CENPE: variants seen among roughly 807,000 people sequenced by gnomAD.
CENPE encodes the protein centromere-associated protein E.
A neutral mutation model predicts 336.1 loss-of-function variants in CENPE; 145 were observed. That is an observed-to-expected ratio of 0.43 (90% confidence interval 0.38 to 0.50). CENPE has a LOEUF of 0.50. CENPE is among the 20% of genes least tolerant of loss of function. The probability of loss-of-function intolerance (pLI) is 0.00; values close to 1 mark genes in which losing one functional copy is unlikely to be tolerated. For synonymous variants in CENPE, 1,013 were observed against 984.8 expected, an observed-to-expected ratio of 1.03 and a Z score of -0.54; for missense variants, 2,719 against 3,023.3, an observed-to-expected ratio of 0.90 and a Z score of 2.36.
In CENPE at chr4:103,145,845, T is replaced by C; in HGVS notation, c.4397A>G (p.Lys1466Arg). 1 of 1,595,112 alleles carries C rather than the reference T, an allele frequency of 6.3e-7. No individual in the cohort carries two copies. Among genetic ancestry groups the C allele is most frequent in the South Asian group, 1.2e-5 (1 of 86,006 alleles). ...SESDQLKENIKEIVAKHLETE... is the reference protein window; with the variant it reads ...SESDQLKENIREIVAKHLETE... ...GAAACCTACTTTAGCTACAATTTCT[T>C]TTATGTTTTCTTTGAGCTGGTCACT... Residue 1466 changes from lysine (K) to arginine (R), a missense_variant, in exon 30 of 49, where the codon AAA becomes AGA. By Grantham distance (26) the Lys-to-Arg change is conservative (BLOSUM62 2). Transcript: ENST00000265148.
rs1354235338 is a variant in CENPE, at chr4:103,113,130, ATATATACTTATAAGTATATAAGTG to A, written c.7540+1301_7540+1324del. ...TATATATACTTATAAGTATATGTGT[ATATATACTTATAAGTATATAAGTG>A]TATATATACTTATAAGTATATAAGT... On this transcript the variant is annotated intron_variant, in intron 46 of 48. Coordinates refer to ENST00000265148, the MANE Select transcript of CENPE (RefSeq NM_001813.3). 5.2e-3 allele frequency among the ~76,000 whole-genome samples: 354 copies of A among 68,286 alleles called. 2 individuals are homozygous for A. Among genetic ancestry groups the A allele is most frequent in the Middle Eastern group, 0.028 (1 of 36 alleles). 44.8% of individuals were successfully genotyped at this position (68,286 alleles called of 152,430 possible). A position where few individuals can be genotyped will look rare whatever the true frequency, so the allele number is the denominator to read the frequency against.
rs1338675087 is a variant in CENPE, at chr4:103,140,384, C to A, written c.5785G>T (p.Ala1929Ser). 2 of 1,599,796 alleles carry A rather than the reference C, an allele frequency of 1.3e-6. No homozygotes were observed. The highest frequency in any genetic ancestry group is 1.7e-6 in the Non-Finnish European group (2 of 1,175,094). The change falls in exon 37 of 49, where the codon GCT becomes TCT. Residue 1929 changes from alanine (A) to serine (S), a missense_variant. Coordinates refer to ENST00000265148, the MANE Select transcript of CENPE (RefSeq NM_001813.3). ...TTGTGTTCTTTTGATAGCATACGAGCAGTTTTTAGTTCCTGTTGTATTTCC... is the reference window on the plus strand; with the variant it reads ...TTGTGTTCTTTTGATAGCATACGAGAAGTTTTTAGTTCCTGTTGTATTTCC... ...DLEIQQELKT[A>S]RMLSKEHKET...
chr4:103,168,477 T>C (rs369432315), intron 16 of CENPE, among the ~76,000 whole-genome samples: 1 of 152,142 alleles, frequency 6.6e-6, no homozygotes, highest in East Asian at 1.9e-4. Context: ...CAAGCAATCC[T>C]CCCTGCATAA....
chr4:103,173,630 T>TTTGCAATATTTGCAGAAAAATTTGCAA (rs1212496499), intron 16 of CENPE, among the ~76,000 whole-genome samples: 2 of 151,440 alleles, frequency 1.3e-5, no homozygotes, highest in Non-Finnish European at 3.0e-5. Context: ...TTGCAAAATA[T>TTTGCAATATTTGCAGAAAAATTTGCAA]ACATCTGACA....
At chr4:103,162,053 G>A (rs1754493385) in intron 18 of CENPE, among the ~76,000 whole-genome samples, 1 of 152,016 alleles carries the variant, frequency 6.6e-6, no homozygotes, top group Non-Finnish European at 1.5e-5. Context: ...GAATGAATAA[G>A]GAAAAAGAAA....
chr4:103,141,752 T>G lies in CENPE; in HGVS notation c.5461A>C (p.Lys1821Gln), dbSNP rs1752581843. ...AAACAATCCCCCCATAAAAATACCTTTTCTTGTAATTTAGCATTTGAATTT... is the reference window on the plus strand; with the variant it reads ...AAACAATCCCCCCATAAAAATACCTGTTCTTGTAATTTAGCATTTGAATTT... Reference protein sequence around the residue: ...LENSNAKLQEKIQELKANEHQ... With the variant: ...LENSNAKLQEQIQELKANEHQ... The change falls in exon 35 of 49, where the codon AAG becomes CAG. Residue 1821 changes from lysine (K) to glutamine (Q), a missense_variant and splice_region_variant. Around this residue, in one of 5 missense-constraint regions of CENPE, gnomAD observed 2,437 missense variants for 2,513.3 expected, o/e 0.97. Transcript: ENST00000265148. The G allele has an allele frequency of 1.3e-6, 2 of 1,507,768 alleles. No individual in the cohort carries two copies. The highest frequency in any genetic ancestry group is 1.8e-6 in the Non-Finnish European group (2 of 1,101,374). 93.4% of individuals were successfully genotyped at this position (1,507,768 alleles called of 1,614,324 possible).
intron 8 of CENPE, 86 bp downstream of exon 8, chr4:103,194,143 A>G (rs1026648069): frequency 1.1e-6 from 1 of 943,790 alleles, no homozygotes; most frequent in African/African-American, 1.6e-5. Context: ...TTTAGTTAAC[A>G]GTTCTTATTA....
At chr4:103,176,181 T>C (rs1755842986) in intron 14 of CENPE, 133 bp from the exon 15 acceptor site, 2 of 521,838 alleles carry the variant, frequency 3.8e-6, no homozygotes, top group African/African-American at 2.0e-5. Flanking sequence ...GCTCAGAGTA[T>C]GAATACCAAA....
intron 26 of CENPE, among the ~76,000 whole-genome samples, chr4:103,150,380 G>GAGACCAGCCTGGGCAACACAGTGA (rs1297957215): frequency 6.6e-6 from 1 of 152,136 alleles, no homozygotes; most frequent in Non-Finnish European, 1.5e-5. Flanking sequence ...CCAGGAGTTT[G>GAGACCAGCCTGGGCAACACAGTGA]AGACCAGCCT....
At chr4:103,113,566 A>AT (rs1332964738) in intron 46 of CENPE, among the ~76,000 whole-genome samples, 1 of 142,404 alleles carries the variant, frequency 7.0e-6, no homozygotes, top group African/African-American at 2.6e-5. Context: ...ATATATAAGT[A>AT]ATATATATTT....
intron 1 of CENPE, 98 bp from the exon 2 acceptor site, chr4:103,196,948 G>A: frequency 1.5e-6 from 1 of 687,862 alleles, no homozygotes; most frequent in Non-Finnish European, 2.6e-6. Context: ...TATTTTGAAA[G>A]ATAGTAACAT....
intron 4 of CENPE, among the ~76,000 whole-genome samples, chr4:103,195,712 G>A (rs1392338678): frequency 2.0e-5 from 3 of 152,076 alleles, no homozygotes; most frequent in Non-Finnish European, 2.9e-5. Flanking sequence ...GAATTCAAGA[G>A]AAAGAATAAA....
At chr4:103,115,416 G>A (rs1750005567) in intron 45 of CENPE, among the ~76,000 whole-genome samples, 1 of 151,858 alleles carries the variant, frequency 6.6e-6, no homozygotes, top group Non-Finnish European at 1.5e-5. Flanking sequence ...TCACAGGCGT[G>A]AGCCACCGTG....
Position 103,163,338 on chromosome 4 carries a change from T to C in CENPE, c.1723-82A>G, listed in dbSNP as rs949577839. 16 of 1,326,584 alleles carry C rather than the reference T, an allele frequency of 1.2e-5. No individual in the cohort carries two copies. The South Asian group carries it at 2.2e-4, about 18-fold the overall frequency. 82.2% of individuals were successfully genotyped at this position (1,326,584 alleles called of 1,614,324 possible). ...TTAAAACAGAACTTATATATATTAG[T>C]TTAAATTCATAGTAAAATTCAAAGT... On this transcript the variant is annotated intron_variant, in intron 17 of 48. Coordinates refer to ENST00000265148, the MANE Select transcript of CENPE (RefSeq NM_001813.3).
At chr4:103,172,202 T>C (rs868527458) in intron 16 of CENPE, among the ~76,000 whole-genome samples, 1 of 151,960 alleles carries the variant, frequency 6.6e-6, no homozygotes, top group Admixed American at 6.6e-5. Context: ...AGAAAAACCC[T>C]GAACAAAATA....
In CENPE at chr4:103,181,373, T is replaced by C. The variant is rs200232064; in HGVS notation, c.1047A>G (p.Arg349=). The change falls in exon 12 of 49, where the codon AGA becomes AGG. Residue 349 remains arginine (R), a synonymous_variant. Coordinates refer to ENST00000265148, the MANE Select transcript of CENPE (RefSeq NM_001813.3). ...GTTTTTTAAGATCCATTATTTCTTT[T>C]CTATACCTTTTCAGGAGAGCTTCAT... is the stretch of plus-strand genomic sequence containing the variant. ...STDEALLKRY[R]KEIMDLKKQL... 117 of 1,555,724 alleles carry C rather than the reference T, an allele frequency of 7.5e-5. No homozygotes were observed. The highest frequency in any genetic ancestry group is 9.7e-5 in the Non-Finnish European group (111 of 1,143,234).
At chr4:103,129,490 G>C (rs1194324009) in intron 42 of CENPE, among the ~76,000 whole-genome samples, 1 of 152,128 alleles carries the variant, frequency 6.6e-6, no homozygotes, top group Non-Finnish European at 1.5e-5. Context: ...TGTAATCCCA[G>C]TACTTTGGGA....
chr4:103,132,831 T>TA lies in CENPE; in HGVS notation c.6785dup (p.Ser2263LysfsTer2). The stretch of plus-strand genomic sequence containing the variant: ...ACTGTGTCATTTCTTTCCTATTACT[T>TA]AGTACTTGTTGAAATTCAGTCTTTA... On this transcript the variant is annotated frameshift_variant, in exon 42 of 49. Coordinates refer to ENST00000265148, the MANE Select transcript of CENPE (RefSeq NM_001813.3). LOFTEE classifies it high-confidence loss of function. The TA allele has an allele frequency of 1.9e-6, 3 of 1,572,848 alleles. No homozygotes were observed. Among genetic ancestry groups the TA allele is most frequent in the Non-Finnish European group, 2.6e-6 (3 of 1,156,218 alleles).
chr4:103,131,993 T>A (rs892084036), intron 42 of CENPE, among the ~76,000 whole-genome samples: 2 of 152,266 alleles, frequency 1.3e-5, no homozygotes, highest in Admixed American at 1.3e-4. Context: ...TATGGCAGGA[T>A]AGTAAAATTA....
Sources: allele counts gnomAD v4.1 joint callset (sites outside exome capture counted in the v4.1 genomes callset), GRCh38; gene constraint gnomAD v4.1.1; regional missense constraint gnomAD v4.1.1; transcripts MANE v1.5; gene names NCBI Gene and HGNC (gene_info 2026-07-23, HGNC 2026-07-21).